The following LRP2 variants were observed in gnomAD, a reference collection of about 807,000 sequenced individuals.
LRP2 encodes LDL receptor related protein 2.
Under a neutral mutation model 531.0 loss-of-function variants are expected in LRP2, and 172 were observed. The observed-to-expected ratio is 0.32, with a 90% confidence interval of 0.29 to 0.37. The LOEUF (loss-of-function observed/expected upper bound fraction) is 0.37, where lower values mean the gene tolerates loss of function less well. LRP2 is among the 10% of genes least tolerant of loss of function. LRP2 has a pLI of 1.00. For missense variants in LRP2, 5,167 were observed against 5,868.3 expected, an observed-to-expected ratio of 0.88 and a Z score of 3.90; for synonymous variants, 1,992 against 2,027.6, an observed-to-expected ratio of 0.98 and a Z score of 0.47.
intron 3 of LRP2, among the ~76,000 whole-genome samples, chr2:169,318,467 C>T (rs1036053090): frequency 6.6e-6 from 1 of 152,180 alleles, no homozygotes; most frequent in African/African-American, 2.4e-5. Context: ...TGAAGACACC[C>T]AGCTATACAC....
At chr2:169,285,447 T>C (rs1030888901) in intron 9 of LRP2, among the ~76,000 whole-genome samples, 3 of 152,098 alleles carry the variant, frequency 2.0e-5, no homozygotes, top group Non-Finnish European at 4.4e-5. Context: ...AATTGAGGGT[T>C]TTCGTGAGAG....
chr2:169,339,997 C>A (rs775952589), intron 1 of LRP2, among the ~76,000 whole-genome samples: 4 of 152,062 alleles, frequency 2.6e-5, no homozygotes, highest in Non-Finnish European at 5.9e-5. Context: ...TATATAAGGT[C>A]AAAGGTTAAA....
In LRP2 at chr2:169,257,173, C is replaced by T. The variant is rs568572507; in HGVS notation, c.2590G>A (p.Val864Ile). 1 of 1,612,914 alleles carries T rather than the reference C, an allele frequency of 6.2e-7. No individual in the cohort carries two copies. The highest frequency in any genetic ancestry group is 2.2e-5 in the East Asian group (1 of 44,852). ...GGCCATCCAAGAGTAGTGTTTATTA[C>T]AGGCAAGAGGTGAGATCCGTCACTC... ...AWSDGSHLLPVINTTLGWPNG... is the reference protein window; with the variant it reads ...AWSDGSHLLPIINTTLGWPNG... Residue 864 changes from valine (V) to isoleucine (I), a missense_variant, in exon 18 of 79, where the codon GTA becomes ATA. Around this residue, in one of 6 missense-constraint regions of LRP2, gnomAD observed 2,811 missense variants for 3,058.0 expected, o/e 0.92. Transcript: ENST00000649046.
At chr2:169,178,505 A>T (rs1180941005) in intron 52 of LRP2, among the ~76,000 whole-genome samples, 2 of 152,234 alleles carry the variant, frequency 1.3e-5, no homozygotes, top group African/African-American at 2.4e-5. Context: ...TCTAGGAGAT[A>T]GTTGCATTCT....
At chr2:169,317,310 G>A (rs1021637825) in intron 3 of LRP2, among the ~76,000 whole-genome samples, 7 of 152,148 alleles carry the variant, frequency 4.6e-5, no homozygotes, top group South Asian at 2.1e-4. Context: ...TGTGAGAGGA[G>A]TAAGAGAAAA....
At chr2:169,230,789 G>A (rs1053865638) in intron 31 of LRP2, among the ~76,000 whole-genome samples, 5 of 152,206 alleles carry the variant, frequency 3.3e-5, no homozygotes, top group South Asian at 2.1e-4. Flanking sequence ...ACTCCCTTAA[G>A]TACTTGGTAT....
intron 9 of LRP2, among the ~76,000 whole-genome samples, chr2:169,288,093 T>C (rs1227159346): frequency 6.6e-6 from 1 of 152,078 alleles, no homozygotes; most frequent in Non-Finnish European, 1.5e-5. Context: ...TCCAGATGCC[T>C]TTTCCCAACA....
At chr2:169,204,342 T>G in intron 41 of LRP2, 71 bp from the exon 42 acceptor site, 1 of 1,359,358 alleles carries the variant, frequency 7.4e-7, no homozygotes, top group African/African-American at 1.4e-5. Flanking sequence ...GGCAGCCCAA[T>G]GCATGCGCCT....
At position 169,206,777 on chromosome 2, in the gene LRP2, C is replaced by T; in HGVS notation, c.6943G>A (p.Val2315Met). ...KEPENTEPPT[V>M]IRDNINWLRD... ...AGCCAGTTGATATTGTCTCTTATCA[C>T]TGTGGGTGGCTCTGTGTTCTCTGGT... is the stretch of plus-strand genomic sequence containing the variant. Residue 2315 changes from valine to methionine, a missense_variant, in exon 39 of 79, where the codon GTG (valine) becomes ATG (methionine). By Grantham distance (21) the Val-to-Met change is conservative. Coordinates refer to ENST00000649046, the MANE Select transcript of LRP2 (RefSeq NM_004525.3). The T allele has an allele frequency of 6.2e-7, 1 of 1,614,152 alleles. No individual in the cohort carries two copies. Among genetic ancestry groups the T allele is most frequent in the Non-Finnish European group, 8.5e-7 (1 of 1,180,024 alleles).
rs187106313 is a variant in LRP2 at position 169,193,492 on chromosome 2, T to G, written c.8830+269A>C. Among the ~76,000 whole-genome samples the G allele has an allele frequency of 9.6e-4, 138 of 143,894 alleles. 1 individual carries two copies. The highest frequency in any genetic ancestry group is 2.8e-3 in the African/African-American group (110 of 38,868). 94.4% of individuals were successfully genotyped at this position (143,894 alleles called of 152,430 possible). Reference sequence around the variant, plus strand: ...AAGGAGACAACCAAGTATTTGTGGGTTTTTTTTTTCCCCTAGAAATGTAGG... The same window carrying G: ...AAGGAGACAACCAAGTATTTGTGGGGTTTTTTTTTCCCCTAGAAATGTAGG... On this transcript the variant is annotated intron_variant, in intron 47 of 78. Transcript: ENST00000649046.
At chr2:169,171,106 T>G (rs1351939009) in intron 58 of LRP2, among the ~76,000 whole-genome samples, 1 of 151,914 alleles carries the variant, frequency 6.6e-6, no homozygotes, top group African/African-American at 2.4e-5. Flanking sequence ...CTAGATAACC[T>G]CTTATAGGAT....
At chr2:169,201,244 T>G (rs949464697) in intron 44 of LRP2, among the ~76,000 whole-genome samples, 2 of 151,386 alleles carry the variant, frequency 1.3e-5, no homozygotes, top group Admixed American at 1.3e-4. Context: ...AGATCTCATC[T>G]GAACCCTAAC....
chr2:169,279,718 T>A (rs1275346178), intron 11 of LRP2, 123 bp from the exon 12 acceptor site: 1 of 649,812 alleles, frequency 1.5e-6, no homozygotes, highest in East Asian at 2.7e-5. Context: ...TTTTCAGAAA[T>A]TTCATGCAAG....
At chr2:169,323,120 G>A (rs1229975538) in intron 1 of LRP2, among the ~76,000 whole-genome samples, 1 of 151,884 alleles carries the variant, frequency 6.6e-6, no homozygotes, top group Non-Finnish European at 1.5e-5. Flanking sequence ...AAATGAAACT[G>A]ATGGGGAAAT....
rs1259447642 is a variant in LRP2, at chr2:169,247,404, T to C, written c.2882A>G (p.Lys961Arg). 1.9e-6 allele frequency: 3 copies of C among 1,614,146 alleles called. No homozygotes were observed. Among genetic ancestry groups the C allele is most frequent in the Admixed American group, 3.3e-5 (2 of 60,024 alleles). Residue 961 changes from lysine to arginine, a missense_variant, in exon 20 of 79, where the codon AAA becomes AGA. Transcript: ENST00000649046. Reference protein sequence around the residue: ...RSGIAYILHLKSYDVNIQTGS... With the variant: ...RSGIAYILHLRSYDVNIQTGS... ...AGTCTGGATGTTGACATCATACGAT[T>C]TCAAATGCAGTATGTAAGCAATGCC...
intron 65 of LRP2, among the ~76,000 whole-genome samples, chr2:169,154,834 T>A (rs1686275290): frequency 6.6e-6 from 1 of 152,218 alleles, no homozygotes. Flanking sequence ...AGGGACATTA[T>A]CAGTTCTTTA....
intron 1 of LRP2, among the ~76,000 whole-genome samples, chr2:169,334,087 C>T (rs1445610285): frequency 1.3e-5 from 2 of 152,050 alleles, no homozygotes; most frequent in African/African-American, 4.8e-5. Context: ...AATAAAATTA[C>T]AAGTTTATCT....
intron 10 of LRP2, among the ~76,000 whole-genome samples, chr2:169,281,485 C>T (rs1683703081): frequency 6.6e-6 from 1 of 151,514 alleles, no homozygotes; most frequent in South Asian, 2.1e-4. Context: ...CTTTGGGAGG[C>T]CAAGGCAGGT....
chr2:169,167,051 TA>T (rs1686812716), intron 61 of LRP2, among the ~76,000 whole-genome samples: 1 of 152,212 alleles, frequency 6.6e-6, no homozygotes, highest in Non-Finnish European at 1.5e-5. Flanking sequence ...TTCAATATTA[TA>T]AAACAGTATT....
Sources: allele counts gnomAD v4.1 joint callset (sites outside exome capture counted in the v4.1 genomes callset), GRCh38; gene constraint gnomAD v4.1.1; regional missense constraint gnomAD v4.1.1; transcripts MANE v1.5; gene names NCBI Gene and HGNC (gene_info 2026-07-23, HGNC 2026-07-21).